Variants in EPM2A observed in about 807,000 individuals in gnomAD.
EPM2A encodes laforin.
EPM2A carries 21 observed loss-of-function variants against 26.5 expected under a neutral mutation model. That is an observed-to-expected ratio of 0.79 (90% CI 0.56 to 1.14). The LOEUF is 1.14. Ranked by LOEUF, EPM2A falls within the 50% of genes most tolerant of loss-of-function variation. The pLI, the probability that EPM2A is intolerant of heterozygous loss-of-function variation, is 0.00. For missense variants in EPM2A, 458 were observed against 440.8 expected (o/e 1.04, Z -0.35); for synonymous variants, 217 against 177.6 (o/e 1.22, Z -1.76).
chr6:145,710,054 T>A (rs1775217919), intron 1 of EPM2A, among the ~76,000 whole-genome samples: 1 of 152,114 alleles, frequency 6.6e-6, no homozygotes, highest in African/African-American at 2.4e-5. Flanking sequence ...GACATAGGCA[T>A]GGGCAAGGAC....
At chr6:145,657,959 A>G (rs375561168) in intron 2 of EPM2A, among the ~76,000 whole-genome samples, 1 of 152,224 alleles carries the variant, frequency 6.6e-6, no homozygotes, top group East Asian at 1.9e-4. Context: ...TTAGTATATC[A>G]TAAGACTGTT....
chr6:145,674,420 G>A (rs1483938487), intron 2 of EPM2A, among the ~76,000 whole-genome samples: 1 of 152,168 alleles, frequency 6.6e-6, no homozygotes, highest in Non-Finnish European at 1.5e-5. Context: ...ATGGAACAAA[G>A]CTGGACAGAG....
Position 145,527,591 on chromosome 6 carries a change from A to G in EPM2A, c.341-25016T>C, listed in dbSNP as rs530107033. On this transcript the variant is annotated intron_variant, in intron 2 of 3. Coordinates refer to the EPM2A transcript ENST00000450221. ...TAAAGTCTTTTGGTTGCTATTTAAG[A>G]ATAGCATCCTCTGCTCATGTGTGTG... Among the ~76,000 whole-genome samples, 12 of 152,150 alleles carry G rather than the reference A, an allele frequency of 7.9e-5. No homozygotes were observed. In the East Asian group the frequency reaches 1.2e-3, roughly 15 times the overall value.
chr6:145,541,312 A>G (rs1374777751), intron 2 of EPM2A, among the ~76,000 whole-genome samples: 1 of 143,028 alleles, frequency 7.0e-6, no homozygotes, highest in Admixed American at 7.0e-5. Context: ...GTGTGTGTGT[A>G]TATACATATA....
In EPM2A at chr6:145,627,650, C is replaced by CGCT. The variant is rs754391064; in HGVS notation, c.761_762insAGC (p.Ala254dup). On this transcript the variant is annotated inframe_insertion, in exon 4 of 4. Coordinates refer to ENST00000367519, the MANE Select transcript of EPM2A (RefSeq NM_005670.4). ...ACACGATGTGTCCCTTCTCCAGCAG[C>CGCT]GCATGCAGCAGGCACACCGCCTGGG... 32 of 1,614,074 alleles carry CGCT rather than the reference C, an allele frequency of 2.0e-5. No homozygotes were observed. The highest frequency in any genetic ancestry group is 2.7e-5 in the Non-Finnish European group (32 of 1,180,036).
At position 145,627,653 on chromosome 6, in the gene EPM2A, A is replaced by ATG. The variant is rs754954540; in HGVS notation, c.757_758dup (p.Ala254MetfsTer32). ...CGATGTGTCCCTTCTCCAGCAGCGC[A>ATG]TGCAGCAGGCACACCGCCTGGGGCA... is the stretch of plus-strand genomic sequence containing the variant. On this transcript the variant is annotated frameshift_variant, in exon 4 of 4. Transcript: ENST00000367519. LOFTEE classifies it high-confidence loss of function. 32 of 1,614,056 alleles carry ATG rather than the reference A, an allele frequency of 2.0e-5. No individual in the cohort carries two copies. The highest frequency in any genetic ancestry group is 2.7e-5 in the Non-Finnish European group (32 of 1,179,994).
chr6:145,466,296 G>A (rs1779392051), intron 4 of EPM2A, among the ~76,000 whole-genome samples: 1 of 151,504 alleles, frequency 6.6e-6, no homozygotes, highest in African/African-American at 2.4e-5. Context: ...AAATTTACAA[G>A]AAAAAAACAA....
At chr6:145,437,160 A>G (rs914621862) in intron 4 of EPM2A, among the ~76,000 whole-genome samples, 3 of 152,070 alleles carry the variant, frequency 2.0e-5, no homozygotes, top group South Asian at 2.1e-4. Context: ...TGCTATTCTC[A>G]TGATAGTGAG....
intron 4 of EPM2A, among the ~76,000 whole-genome samples, chr6:145,453,323 A>G (rs1345231673): frequency 6.6e-6 from 1 of 152,220 alleles, no homozygotes; most frequent in Admixed American, 6.5e-5. Flanking sequence ...TGGGGGGAAA[A>G]AAGATTCTCA....
intron 1 of EPM2A, among the ~76,000 whole-genome samples, chr6:145,707,106 T>C (rs1311297214): frequency 6.6e-6 from 1 of 152,212 alleles, no homozygotes; most frequent in Non-Finnish European, 1.5e-5. Context: ...CCTCCAGAAC[T>C]GTGAGAAATA....
chr6:145,523,074 A>G (rs1780225418), intron 2 of EPM2A, among the ~76,000 whole-genome samples: 1 of 152,144 alleles, frequency 6.6e-6, no homozygotes, highest in African/African-American at 2.4e-5. Context: ...ACATTTTCAT[A>G]CTGTAAATTT....
intron 4 of EPM2A, among the ~76,000 whole-genome samples, chr6:145,448,674 T>G (rs1021779991): frequency 1.3e-5 from 2 of 152,214 alleles, no homozygotes; most frequent in African/African-American, 4.8e-5. Flanking sequence ...ATAAGCCAAC[T>G]TCTCTATCAC....
chr6:145,585,871 C>T (rs9403729), intron 2 of EPM2A, among the ~76,000 whole-genome samples: 53,495 of 151,976 alleles, frequency 0.35, 10,021 homozygotes, highest in South Asian at 0.51. Context: ...GCCTTGTTCC[C>T]GACGCAAAAC....
At chr6:145,727,144 T>C (rs1272810070) in intron 1 of EPM2A, among the ~76,000 whole-genome samples, 1 of 152,130 alleles carries the variant, frequency 6.6e-6, no homozygotes, top group African/African-American at 2.4e-5. Flanking sequence ...AGTCAAATAC[T>C]ATCAATAACT....
At chr6:145,439,740 G>A (rs1779037457) in intron 4 of EPM2A, among the ~76,000 whole-genome samples, 1 of 152,064 alleles carries the variant, frequency 6.6e-6, no homozygotes, top group African/African-American at 2.4e-5. Context: ...TGCATAGTTT[G>A]CAAATATATT....
chr6:145,610,244 T>C (rs935174164), intron 2 of EPM2A, among the ~76,000 whole-genome samples: 1 of 152,082 alleles, frequency 6.6e-6, no homozygotes, highest in African/African-American at 2.4e-5. Flanking sequence ...GGAGAGAGTT[T>C]TCAATTTCGG....
At chr6:145,617,313 C>G (rs1775535810) in intron 2 of EPM2A, among the ~76,000 whole-genome samples, 1 of 152,186 alleles carries the variant, frequency 6.6e-6, no homozygotes, top group African/African-American at 2.4e-5. Context: ...GAGGCCTTCC[C>G]AGCCACATGG....
At chr6:145,645,607 T>TG (rs1777404311) in intron 2 of EPM2A, among the ~76,000 whole-genome samples, 1 of 139,532 alleles carries the variant, frequency 7.2e-6, no homozygotes, top group Non-Finnish European at 1.6e-5. Context: ...CCTGGCAAAC[T>TG]TTTTTTTTTT....
intron 2 of EPM2A, among the ~76,000 whole-genome samples, chr6:145,654,227 G>T (rs1160152608): frequency 1.4e-5 from 2 of 146,858 alleles, no homozygotes; most frequent in Admixed American, 6.9e-5. Context: ...TTTCACTCTT[G>T]TTGCCCAGAC....
Sources: gnomAD v4.1 joint callset for allele counts (sites outside exome capture counted in the v4.1 genomes callset) on GRCh38, gnomAD v4.1.1 for gene constraint, MANE v1.5 for transcripts, NCBI Gene and HGNC (gene_info 2026-07-23, HGNC 2026-07-21) for gene names.